SPIN1: variants seen among roughly 807,000 people sequenced by gnomAD.
SPIN1 encodes spindlin-1.
Under a neutral mutation model 26.0 loss-of-function variants are expected in SPIN1, and 3 were observed. The ratio of observed to expected loss-of-function variants is 0.12; its 90% CI spans 0.05 to 0.30. SPIN1 has a LOEUF of 0.30. Ranked by LOEUF, SPIN1 falls within the 10% of genes least tolerant of loss-of-function variation. The pLI is 1.00. For missense variants in SPIN1, 126 were observed against 333.4 expected, an observed-to-expected ratio of 0.38 and a Z score of 4.84; for synonymous variants, 101 against 116.5, an observed-to-expected ratio of 0.87 and a Z score of 0.86.
intron 1 of SPIN1, among the ~76,000 whole-genome samples, chr9:88,395,333 G>A (rs968392489): frequency 2.9e-5 from 3 of 102,472 alleles, no homozygotes; most frequent in South Asian, 3.1e-4. Flanking sequence ...AATAGGCAGC[G>A]TTCTATGCAC....
At chr9:88,396,942 G>A (rs1355563386) in intron 1 of SPIN1, among the ~76,000 whole-genome samples, 1 of 151,974 alleles carries the variant, frequency 6.6e-6, no homozygotes, top group Non-Finnish European at 1.5e-5. Context: ...AGAAAGTACA[G>A]TAGAAATGTG....
chr9:88,464,632 C>G (rs1403273626), intron 4 of SPIN1, among the ~76,000 whole-genome samples: 1 of 152,158 alleles, frequency 6.6e-6, no homozygotes, highest in Non-Finnish European at 1.5e-5. Context: ...TTCCCACTAT[C>G]TATTTGGAAG....
intron 1 of SPIN1, among the ~76,000 whole-genome samples, chr9:88,406,534 C>T (rs546934143): frequency 6.6e-6 from 1 of 151,950 alleles, no homozygotes; most frequent in East Asian, 2.0e-4. Flanking sequence ...CCTTGTAATC[C>T]ATCCACCTCG....
chr9:88,456,445 A>G (rs1828474183), intron 3 of SPIN1, among the ~76,000 whole-genome samples: 1 of 152,226 alleles, frequency 6.6e-6, no homozygotes, highest in African/African-American at 2.4e-5. Flanking sequence ...GATCAGAGAT[A>G]GTAAGGGCTG....
At chr9:88,457,967 A>G in intron 3 of SPIN1, 1 of 985,404 alleles carries the variant, frequency 1.0e-6, no homozygotes, top group Non-Finnish European at 1.2e-6. Context: ...TAGCCAGGTA[A>G]GGTTTTAAGT....
intron 1 of SPIN1, among the ~76,000 whole-genome samples, chr9:88,397,798 A>G (rs1286068410): frequency 6.8e-6 from 1 of 146,310 alleles, no homozygotes; most frequent in Non-Finnish European, 1.5e-5. Flanking sequence ...ATTTTTTTGT[A>G]TTTTTAGTAG....
intron 2 of SPIN1, among the ~76,000 whole-genome samples, chr9:88,438,961 C>G: frequency 6.6e-6 from 1 of 152,034 alleles, no homozygotes; most frequent in East Asian, 1.9e-4. Context: ...GTTCATGAGG[C>G]GGTTGACTAG....
chr9:88,461,259 T>G (rs139134642), intron 3 of SPIN1, among the ~76,000 whole-genome samples: 60 of 152,218 alleles, frequency 3.9e-4, no homozygotes, highest in Admixed American at 7.8e-4. Flanking sequence ...TTTGCTGGGT[T>G]TTTGCACAGT....
At chr9:88,428,426 G>A (rs1253190111) in intron 2 of SPIN1, among the ~76,000 whole-genome samples, 1 of 152,156 alleles carries the variant, frequency 6.6e-6, no homozygotes, top group East Asian at 1.9e-4. Context: ...GTGAGAATAT[G>A]CAATATTTGG....
At chr9:88,437,084 G>T (rs1828017545) in intron 2 of SPIN1, among the ~76,000 whole-genome samples, 1 of 151,978 alleles carries the variant, frequency 6.6e-6, no homozygotes, top group South Asian at 2.1e-4. Flanking sequence ...TCTTTTTATG[G>T]CTTGATAGTT....
intron 1 of SPIN1, among the ~76,000 whole-genome samples, chr9:88,397,440 G>A (rs1827090887): frequency 1.3e-5 from 2 of 151,976 alleles, no homozygotes; most frequent in African/African-American, 4.8e-5. Flanking sequence ...AGGAATCTTG[G>A]CACTTGTTCT....
chr9:88,420,371 G>T (rs1004221039), intron 1 of SPIN1, among the ~76,000 whole-genome samples: 9 of 152,156 alleles, frequency 5.9e-5, no homozygotes, highest in Non-Finnish European at 1.2e-4. Context: ...GTGAGACTCC[G>T]TCTCAACAAA....
chr9:88,412,760 T>C (rs949116502), intron 1 of SPIN1, among the ~76,000 whole-genome samples: 10 of 151,998 alleles, frequency 6.6e-5, no homozygotes, highest in African/African-American at 2.4e-4. Context: ...CTCAGCTCAC[T>C]GCAACTTCCA....
chr9:88,445,657 C>CT (rs1828236401), intron 2 of SPIN1, among the ~76,000 whole-genome samples: 5 of 151,122 alleles, frequency 3.3e-5, no homozygotes, highest in African/African-American at 9.7e-5. Flanking sequence ...ATTCTCTTGC[C>CT]TTAGCCAGAA....
chr9:88,445,183 C>T (rs543990323), intron 2 of SPIN1, among the ~76,000 whole-genome samples: 12 of 152,240 alleles, frequency 7.9e-5, no homozygotes, highest in South Asian at 6.2e-4. Context: ...TCCAGTAGAT[C>T]TTGAAAGACT....
intron 2 of SPIN1, among the ~76,000 whole-genome samples, chr9:88,429,124 C>T (rs926009761): frequency 1.3e-5 from 2 of 152,182 alleles, no homozygotes; most frequent in African/African-American, 4.8e-5. Flanking sequence ...GCCTCAGCCT[C>T]CCATAGTGTT....
At chr9:88,405,812 A>G (rs1827289418) in intron 1 of SPIN1, among the ~76,000 whole-genome samples, 1 of 151,790 alleles carries the variant, frequency 6.6e-6, no homozygotes, top group African/African-American at 2.4e-5. Flanking sequence ...TCACTAGACA[A>G]TAGGAATTTT....
chr9:88,471,190 T>G (rs1441201247), intron 5 of SPIN1, among the ~76,000 whole-genome samples: 2 of 152,162 alleles, frequency 1.3e-5, no homozygotes, highest in African/African-American at 4.8e-5. Context: ...AGATTTACCC[T>G]CGTTTTCTTA....
intron 1 of SPIN1, among the ~76,000 whole-genome samples, chr9:88,405,866 C>G (rs760044952): frequency 1.3e-5 from 2 of 151,370 alleles, no homozygotes; most frequent in Non-Finnish European, 2.9e-5. Flanking sequence ...GAGACAGGGT[C>G]TCGCTCTGGC....
Sources: gnomAD v4.1 joint callset for allele counts (sites outside exome capture counted in the v4.1 genomes callset) on GRCh38, gnomAD v4.1.1 for gene constraint, MANE v1.5 for transcripts, NCBI Gene and HGNC (gene_info 2026-07-23, HGNC 2026-07-21) for gene names.